VMP1: variants seen among roughly 807,000 people sequenced by gnomAD.
The protein encoded by VMP1 is vacuole membrane protein 1, also known as ectopic P-granules autophagy protein 3 homolog.
VMP1 carries 11 observed loss-of-function variants against 56.0 expected under a neutral mutation model. That is an observed-to-expected ratio of 0.20 (90% CI 0.12 to 0.32). The LOEUF (loss-of-function observed/expected upper bound fraction) is 0.32, where lower values mean the gene tolerates loss of function less well. Among genes scored for constraint, VMP1 ranks in the 10% least tolerant of loss-of-function variants. The probability of loss-of-function intolerance (pLI) is 1.00; values close to 1 mark genes in which losing one functional copy is unlikely to be tolerated. For synonymous variants in VMP1, 149 were observed against 165.0 expected (o/e 0.90, Z 0.74); for missense variants, 296 against 490.3 (o/e 0.60, Z 3.74).
intron 6 of VMP1, among the ~76,000 whole-genome samples, chr17:59,768,384 C>G (rs1465913573): frequency 6.7e-6 from 1 of 149,696 alleles, no homozygotes. Flanking sequence ...AGGTGGATCA[C>G]CTGAGGTCAG....
intron 1 of VMP1, among the ~76,000 whole-genome samples, chr17:59,709,464 T>C (rs1261192195): frequency 6.6e-6 from 1 of 152,204 alleles, no homozygotes; most frequent in African/African-American, 2.4e-5. Flanking sequence ...CTAGATTGTG[T>C]TGATAAAAAT....
At position 59,839,909 on chromosome 17, in the gene VMP1, T is replaced by C; in HGVS notation, c.1219T>C (p.Ter407GlnextTer17). The change falls in exon 12 of 12, where the codon TAA (stop) becomes CAA (glutamine). Residue 407 changes from the stop codon to glutamine (Q), a stop_lost. Transcript: ENST00000262291. ...QRLNSEEKTK[*>Q] The stretch of plus-strand genomic sequence containing the variant: ...GTTGAACTCAGAGGAGAAAACTAAA[T>C]AAGTAGAGAAAGTTTTAAACTGCAG... The C allele has an allele frequency of 6.2e-7, 1 of 1,610,582 alleles. No homozygotes were observed. Among genetic ancestry groups the C allele is most frequent in the Non-Finnish European group, 8.5e-7 (1 of 1,179,322 alleles).
chr17:59,735,825 C>A, intron 3 of VMP1: 1 of 179,744 alleles, frequency 5.6e-6, no homozygotes, highest in African/African-American at 2.3e-5. Flanking sequence ...TTTAGCAGGG[C>A]AAGGTTCAGC....
At chr17:59,732,618 G>A (rs1254783651) in intron 2 of VMP1, among the ~76,000 whole-genome samples, 1 of 152,144 alleles carries the variant, frequency 6.6e-6, no homozygotes, top group African/African-American at 2.4e-5. Context: ...GGTTACTTTG[G>A]TTGTCAGTAA....
At chr17:59,838,619 A>G in intron 11 of VMP1, 1 of 521,912 alleles carries the variant, frequency 1.9e-6, no homozygotes, top group East Asian at 3.4e-5. Context: ...GGGTAGAGCC[A>G]ATGGAAAGTA....
At chr17:59,823,662 A>C (rs1002559943) in intron 10 of VMP1, among the ~76,000 whole-genome samples, 12 of 151,784 alleles carry the variant, frequency 7.9e-5, no homozygotes, top group African/African-American at 2.9e-4. Context: ...AAGGCAGGAG[A>C]ATGACGTGAA....
intron 5 of VMP1, among the ~76,000 whole-genome samples, chr17:59,744,233 G>A (rs2035335113): frequency 6.6e-6 from 1 of 151,550 alleles, no homozygotes; most frequent in Non-Finnish European, 1.5e-5. Context: ...GGCCGAGGCG[G>A]GTGGATCACC....
intron 7 of VMP1, among the ~76,000 whole-genome samples, chr17:59,807,949 G>A (rs1218075173): frequency 6.6e-6 from 1 of 151,848 alleles, no homozygotes; most frequent in East Asian, 1.9e-4. Context: ...TTACACATTA[G>A]CTCATTTTTT....
intron 6 of VMP1, among the ~76,000 whole-genome samples, chr17:59,773,502 T>C (rs1247601635): frequency 6.6e-6 from 1 of 152,062 alleles, no homozygotes; most frequent in African/African-American, 2.4e-5. Context: ...CCTGAGTAGC[T>C]ATGGCTACAG....
At chr17:59,777,284 A>C (rs2036650361) in intron 7 of VMP1, among the ~76,000 whole-genome samples, 1 of 152,206 alleles carries the variant, frequency 6.6e-6, no homozygotes, top group Non-Finnish European at 1.5e-5. Flanking sequence ...GATACCATAC[A>C]TTCTAAACTA....
intron 5 of VMP1, among the ~76,000 whole-genome samples, chr17:59,746,241 G>A (rs575244581): frequency 6.6e-6 from 1 of 152,256 alleles, no homozygotes; most frequent in Non-Finnish European, 1.5e-5. Flanking sequence ...TGTGATCTCA[G>A]CTCACTGCAA....
At chr17:59,728,522 T>A (rs1219490103) in intron 1 of VMP1, among the ~76,000 whole-genome samples, 1 of 152,148 alleles carries the variant, frequency 6.6e-6, no homozygotes, top group Non-Finnish European at 1.5e-5. Flanking sequence ...ATGAGAATAC[T>A]CCTAATACTC....
Position 59,793,642 on chromosome 17 carries a change from T to C in VMP1, c.715-15154T>C. On this transcript the variant is annotated intron_variant, in intron 7 of 11. Coordinates refer to ENST00000262291, the MANE Select transcript of VMP1 (RefSeq NM_030938.5). ...TGTGTGTGTTTATTTATTTATTTTT[T>C]TTGAGATGGAGTCTTGCTCTGTCGC... 1.7e-5 allele frequency among the ~76,000 whole-genome samples: 2 copies of C among 115,988 alleles called. 1 individual carries two copies. Among genetic ancestry groups the C allele is most frequent in the Admixed American group, 1.8e-4 (2 of 11,220 alleles). The allele number at this position is 115,988 out of a possible 152,430, so 76.1% of individuals were successfully genotyped here.
chr17:59,825,521 C>G (rs1298445274), intron 10 of VMP1, among the ~76,000 whole-genome samples: 10 of 152,156 alleles, frequency 6.6e-5, no homozygotes, highest in Admixed American at 6.6e-4. Context: ...CATATTCTCA[C>G]CAAATAGGGG....
intron 7 of VMP1, among the ~76,000 whole-genome samples, chr17:59,779,235 C>CTGT (rs2036735878): frequency 6.6e-6 from 1 of 152,192 alleles, no homozygotes; most frequent in Non-Finnish European, 1.5e-5. Context: ...AGTATGTGGA[C>CTGT]TGTTGCTCAA....
intron 10 of VMP1, among the ~76,000 whole-genome samples, chr17:59,824,872 C>CAAAAAA (rs1204824277): frequency 1.6e-5 from 1 of 62,996 alleles, no homozygotes; most frequent in Non-Finnish European, 3.0e-5. Flanking sequence ...GACTCCGTCT[C>CAAAAAA]AAAAAAAAAA....
intron 7 of VMP1, among the ~76,000 whole-genome samples, chr17:59,784,097 AAG>A (rs1279348086): frequency 7.4e-6 from 1 of 134,526 alleles, no homozygotes; most frequent in African/African-American, 2.8e-5. Flanking sequence ...ACCCATCAAA[AAG>A]AGTGTGTGTG....
At chr17:59,715,587 A>G (rs1394320636) in intron 1 of VMP1, among the ~76,000 whole-genome samples, 1 of 152,204 alleles carries the variant, frequency 6.6e-6, no homozygotes, top group Non-Finnish European at 1.5e-5. Context: ...GGGGACACAG[A>G]GCCAAACCGT....
chr17:59,838,818 T>A (rs1042548969), intron 11 of VMP1: 1 of 158,268 alleles, frequency 6.3e-6, no homozygotes, highest in African/African-American at 2.4e-5. Flanking sequence ...ATGATAATTT[T>A]TTAATAAACC....
Sources: gnomAD v4.1 joint callset for allele counts (sites outside exome capture counted in the v4.1 genomes callset) on GRCh38, gnomAD v4.1.1 for gene constraint, MANE v1.5 for transcripts, NCBI Gene and HGNC (gene_info 2026-07-23, HGNC 2026-07-21) for gene names.